ATP10B: variants seen among roughly 807,000 people sequenced by gnomAD.
The protein encoded by ATP10B is ATPase phospholipid transporting 10B (putative), also known as phospholipid-transporting ATPase VB.
ATP10B carries 122 observed loss-of-function variants against 141.2 expected under a neutral mutation model. The observed-to-expected ratio is 0.86, with a 90% CI of 0.75 to 1.00. The LOEUF (loss-of-function observed/expected upper bound fraction) is 1.00. Among genes scored for constraint, ATP10B ranks in the 50% least tolerant of loss-of-function variants. The probability of loss-of-function intolerance (pLI) is 0.00; values close to 1 mark genes in which losing one functional copy is unlikely to be tolerated. For missense variants in ATP10B, 1,876 were observed against 1,825.3 expected (o/e 1.03, Z -0.51); for synonymous variants, 685 against 692.0 (o/e 0.99, Z 0.16).
chr5:160,809,578 G>A (rs148873360), intron 1 of ATP10B, among the ~76,000 whole-genome samples: 3,438 of 152,174 alleles, frequency 0.023, 50 homozygotes, highest in South Asian at 0.064. Flanking sequence ...ATTTGAAACT[G>A]TATAATATAT....
At chr5:160,602,351 C>A (rs1757140982) in intron 21 of ATP10B, among the ~76,000 whole-genome samples, 1 of 152,214 alleles carries the variant, frequency 6.6e-6, no homozygotes, top group Admixed American at 6.5e-5. Flanking sequence ...GTGCCAGGTG[C>A]TTTTCATACA....
chr5:160,889,094 G>C, the ATP10B span, among the ~76,000 whole-genome samples: 2 of 152,146 alleles, frequency 1.3e-5, no homozygotes, highest in Non-Finnish European at 2.9e-5. Flanking sequence ...TAGATACAGG[G>C]AGAGACCATA....
At chr5:160,698,818 G>A (rs1432785) in intron 3 of ATP10B, among the ~76,000 whole-genome samples, 135,586 of 152,258 alleles carry the variant, frequency 0.89, 60,684 homozygotes, top group African/African-American at 0.97. Context: ...CAAGGCAAGC[G>A]TCTTGGGGAA....
At chr5:160,654,054 A>G (rs1761286317) in intron 7 of ATP10B, among the ~76,000 whole-genome samples, 2 of 136,816 alleles carry the variant, frequency 1.5e-5, no homozygotes, top group African/African-American at 2.7e-5. Flanking sequence ...ATATATAAAT[A>G]TATGTTGTAT....
At chr5:160,599,414 T>G (rs1268934956) in intron 21 of ATP10B, among the ~76,000 whole-genome samples, 1 of 152,230 alleles carries the variant, frequency 6.6e-6, no homozygotes, top group African/African-American at 2.4e-5. Context: ...GGCCTGGTTT[T>G]GAATCCCCAA....
intron 13 of ATP10B, among the ~76,000 whole-genome samples, chr5:160,630,132 A>G (rs111620810): frequency 1.2e-4 from 18 of 152,388 alleles, no homozygotes; most frequent in African/African-American, 4.1e-4. Flanking sequence ...GAGTATACTT[A>G]GCTGTTCATA....
chr5:160,848,508 T>C (rs1027629424), intron 1 of ATP10B, among the ~76,000 whole-genome samples: 5 of 152,246 alleles, frequency 3.3e-5, no homozygotes, highest in African/African-American at 4.8e-5. Context: ...TTCACTGCCA[T>C]ATCACTGACA....
chr5:160,612,844 C>G lies in ATP10B; in HGVS notation c.2735G>C (p.Trp912Ser), dbSNP rs1561653299. The G allele has an allele frequency of 6.2e-7, 1 of 1,614,110 alleles. No homozygotes were observed. The highest frequency in any genetic ancestry group is 8.5e-7 in the Non-Finnish European group (1 of 1,180,010). ...ATLREAGIQL[W>S]VLTGDKQETA... Reference sequence around the variant, plus strand: ...CTCCTGCTTATCTCCAGTCAGGACCCAGAGCTGGATCCCAGCCTCCCGCAG... The same window carrying G: ...CTCCTGCTTATCTCCAGTCAGGACCGAGAGCTGGATCCCAGCCTCCCGCAG... The change falls in exon 18 of 26, where the codon TGG becomes TCG. Residue 912 changes from tryptophan (W) to serine (S), a missense_variant. Coordinates refer to ENST00000327245, the MANE Select transcript of ATP10B (RefSeq NM_025153.3).
At chr5:160,646,012 C>T (rs1221401202) in intron 8 of ATP10B, among the ~76,000 whole-genome samples, 1 of 152,136 alleles carries the variant, frequency 6.6e-6, no homozygotes, top group Non-Finnish European at 1.5e-5. Flanking sequence ...TGTTTATAAA[C>T]TACATTTACT....
the ATP10B span, among the ~76,000 whole-genome samples, chr5:160,877,039 G>C: frequency 3.9e-5 from 6 of 152,094 alleles, no homozygotes; most frequent in East Asian, 9.7e-4. Flanking sequence ...CATTTTATGA[G>C]GCCAGCATCA....
intron 2 of ATP10B, among the ~76,000 whole-genome samples, chr5:160,776,406 G>A (rs1194230993): frequency 1.3e-5 from 2 of 152,240 alleles, no homozygotes; most frequent in Non-Finnish European, 2.9e-5. Flanking sequence ...AGCTGGTACT[G>A]TGTGCTTACT....
At chr5:160,800,151 ATT>A (rs1246797931) in intron 1 of ATP10B, among the ~76,000 whole-genome samples, 1 of 152,146 alleles carries the variant, frequency 6.6e-6, no homozygotes, top group Non-Finnish European at 1.5e-5. Flanking sequence ...CATATACATT[ATT>A]TTATATAATT....
chr5:160,797,292 G>C (rs1206229394), intron 1 of ATP10B, among the ~76,000 whole-genome samples: 7 of 152,090 alleles, frequency 4.6e-5, no homozygotes, highest in Non-Finnish European at 8.8e-5. Flanking sequence ...CATGCACAAC[G>C]AATTACTCTC....
At chr5:160,912,344 A>T in the ATP10B span, among the ~76,000 whole-genome samples, 1 of 150,604 alleles carries the variant, frequency 6.6e-6, no homozygotes, top group Non-Finnish European at 1.5e-5. Flanking sequence ...TGGGAGACTG[A>T]AGAGGGTGGA....
the ATP10B span, among the ~76,000 whole-genome samples, chr5:160,922,023 C>T: frequency 2.6e-5 from 4 of 152,194 alleles, no homozygotes; most frequent in Non-Finnish European, 4.4e-5. Flanking sequence ...CAACCCCAGG[C>T]ATTTAACAGT....
chr5:160,865,711 T>A, the ATP10B span, among the ~76,000 whole-genome samples: 1 of 151,540 alleles, frequency 6.6e-6, no homozygotes, highest in Non-Finnish European at 1.5e-5. Context: ...TACAAGGAAC[T>A]CAAATCAGCA....
chr5:160,755,876 TATTATA>T (rs1389307416), intron 2 of ATP10B, among the ~76,000 whole-genome samples: 1 of 115,290 alleles, frequency 8.7e-6, no homozygotes, highest in African/African-American at 4.4e-5. Context: ...TATATATATA[TATTATA>T]ATTTTATGGA....
intron 2 of ATP10B, among the ~76,000 whole-genome samples, chr5:160,782,436 CAT>C (rs1770779556): frequency 9.3e-6 from 1 of 107,012 alleles, no homozygotes; most frequent in South Asian, 3.3e-4. Context: ...TTTCTTCCTC[CAT>C]ACACACACAC....
chr5:160,696,281 G>GTT (rs1156910359), intron 3 of ATP10B, among the ~76,000 whole-genome samples: 1 of 151,802 alleles, frequency 6.6e-6, no homozygotes, highest in East Asian at 1.9e-4. Context: ...AAAATTTTTT[G>GTT]TGTTTTTTTG....
Sources: gnomAD v4.1 joint callset for allele counts (sites outside exome capture counted in the v4.1 genomes callset) on GRCh38, gnomAD v4.1.1 for gene constraint, MANE v1.5 for transcripts, NCBI Gene and HGNC (gene_info 2026-07-23, HGNC 2026-07-21) for gene names.